Variants in MRPL9 observed in about 807,000 individuals in gnomAD.
The protein encoded by MRPL9 is large ribosomal subunit protein bL9m.
In MRPL9, 25 loss-of-function variants were observed where a neutral mutation model predicts 27.6. That is an observed-to-expected ratio of 0.91 (90% confidence interval 0.66 to 1.27). The LOEUF (loss-of-function observed/expected upper bound fraction) is 1.27, where lower values mean the gene tolerates loss of function less well. MRPL9 is among the 50% of genes most tolerant of loss of function. The probability of loss-of-function intolerance (pLI) is 0.00; values close to 1 mark genes in which losing one functional copy is unlikely to be tolerated. For missense variants in MRPL9, 362 were observed against 338.0 expected, an observed-to-expected ratio of 1.07 and a Z score of -0.56; for synonymous variants, 154 against 139.0, an observed-to-expected ratio of 1.11 and a Z score of -0.76.
At position 151,763,250 on chromosome 1, in the gene MRPL9, GC is replaced by G; in HGVS notation, c.153+76del. On this transcript the variant is annotated intron_variant, in intron 1 of 6. Transcript: ENST00000368830. ...AGGAAAGCCCGCCACCCCCACATCG[GC>G]CCCCTCCAGGTCCCAGTGCGCCTCC... is the stretch of plus-strand genomic sequence containing the variant. 7.2e-6 allele frequency: 11 copies of G among 1,533,834 alleles called. No individual in the cohort carries two copies. The South Asian group carries it at 1.4e-4, about 19-fold the overall frequency.
At chr1:151,761,877 TC>T (rs1648100271) in intron 4 of MRPL9, 3 of 600,372 alleles carry the variant, frequency 5.0e-6, no homozygotes, top group Non-Finnish European at 5.9e-6. Context: ...TTCCATGGGT[TC>T]CCTGATTCCC....
chr1:151,761,422 T>A lies in MRPL9; in HGVS notation c.588+29A>T, dbSNP rs770680836. On this transcript the variant is annotated intron_variant, in intron 5 of 6. Transcript: ENST00000368830. Reference sequence around the variant, plus strand: ...CCAGAGGCAGCTTCCACCTCAGGGGTAGAGTGGTTTTTGGGAACACTCACT... The same window carrying A: ...CCAGAGGCAGCTTCCACCTCAGGGGAAGAGTGGTTTTTGGGAACACTCACT... 2.0e-6 allele frequency: 3 copies of A among 1,508,100 alleles called. No individual in the cohort carries two copies. In the South Asian group the frequency reaches 3.4e-5, roughly 17 times the overall value. The allele number at this position is 1,508,100 out of a possible 1,614,324, so 93.4% of individuals were successfully genotyped here. A position where few individuals can be genotyped will look rare whatever the true frequency, so the allele number is the denominator to read the frequency against.
Position 151,763,364 on chromosome 1 carries a change from G to C in MRPL9, c.116C>G (p.Pro39Arg). 6.3e-7 allele frequency: 1 copy of C among 1,577,728 alleles called. No individual in the cohort carries two copies. The highest frequency in any genetic ancestry group is 8.6e-7 in the Non-Finnish European group (1 of 1,160,390). Residue 39 changes from proline (P) to arginine (R), a missense_variant, in exon 1 of 7, where the codon CCT (proline) becomes CGT (arginine). Transcript: ENST00000368830. ...AAGGCTGAAGTTGCAGGCCAGGTCA[G>C]GGGCGTTCCCTTCATGTCGCGGCCG... Reference protein sequence around the residue: ...LLRPRHEGNAPDLACNFSLSQ... With the variant: ...LLRPRHEGNARDLACNFSLSQ...
In MRPL9 at chr1:151,763,315, C is replaced by T. The variant is rs1179471250; in HGVS notation, c.153+12G>A. 9 of 1,594,518 alleles carry T rather than the reference C, an allele frequency of 5.6e-6. No homozygotes were observed. Among genetic ancestry groups the T allele is most frequent in the African/African-American group, 1.3e-5 (1 of 74,288 alleles). On this transcript the variant is annotated intron_variant, in intron 1 of 6. Coordinates refer to ENST00000368830, the MANE Select transcript of MRPL9 (RefSeq NM_031420.4). Reference sequence around the variant, plus strand: ...GAGCGTATCTACCCCCTACCCCAGACTCAGCCCTCACCCGATTTTGAGAAA... The same window carrying T: ...GAGCGTATCTACCCCCTACCCCAGATTCAGCCCTCACCCGATTTTGAGAAA...
chr1:151,763,433 G>A lies in MRPL9; in HGVS notation c.47C>T (p.Ala16Val), dbSNP rs1158533080. The A allele has an allele frequency of 9.6e-6, 15 of 1,567,732 alleles. No homozygotes were observed. Among genetic ancestry groups the A allele is most frequent in the Non-Finnish European group, 8.6e-7 (1 of 1,156,382 alleles). Residue 16 changes from alanine to valine, a missense_variant, in exon 1 of 7, where the codon GCG becomes GTG. Physicochemically the swap from Ala to Val is moderately conservative, Grantham distance 64 (BLOSUM62 0). Coordinates refer to ENST00000368830, the MANE Select transcript of MRPL9 (RefSeq NM_031420.4). ...TCCCCGAAGCAGCCGTCCAGCGCCC[G>A]CCCGCAGCAGAGCTCTGCCCGGGGC... Reference protein sequence around the residue: ...VTAPGRALLRAGAGRLLRGGV... With the variant: ...VTAPGRALLRVGAGRLLRGGV...
intron 6 of MRPL9, 26 bp downstream of exon 6, chr1:151,760,790 A>AAAAAG (rs1428273010): frequency 6.5e-7 from 1 of 1,547,244 alleles, no homozygotes; most frequent in Admixed American, 2.2e-5. Flanking sequence ...AAAGAAAAGA[A>AAAAAG]AAAAGAAAGT....
In MRPL9 at chr1:151,763,359, G is replaced by C; in HGVS notation, c.121C>G (p.Leu41Val). 1 of 1,579,724 alleles carries C rather than the reference G, an allele frequency of 6.3e-7. No homozygotes were observed. Among genetic ancestry groups the C allele is most frequent in the Admixed American group, 1.8e-5 (1 of 56,052 alleles). ...RPRHEGNAPDLACNFSLSQNR... is the reference protein window; with the variant it reads ...RPRHEGNAPDVACNFSLSQNR... ...TGAGAAAGGCTGAAGTTGCAGGCCA[G>C]GTCAGGGGCGTTCCCTTCATGTCGC... The change falls in exon 1 of 7, where the codon CTG becomes GTG. Residue 41 changes from leucine to valine, a missense_variant. Leu to Val is a conservative substitution (Grantham distance 32, BLOSUM62 1). Transcript: ENST00000368830.
Position 151,761,570 on chromosome 1 carries a change from T to C in MRPL9, c.487-18A>G. Reference sequence around the variant, plus strand: ...TTCACTGTCTGAAAGGAATTATGAGTTTGAGTCAAAGGAGAGGAAACATGT... The same window carrying C: ...TTCACTGTCTGAAAGGAATTATGAGCTTGAGTCAAAGGAGAGGAAACATGT... On this transcript the variant is annotated intron_variant, in intron 4 of 6. Transcript: ENST00000368830. 1 of 1,561,924 alleles carries C rather than the reference T, an allele frequency of 6.4e-7. No individual in the cohort carries two copies. The highest frequency in any genetic ancestry group is 8.8e-7 in the Non-Finnish European group (1 of 1,133,296).
intron 4 of MRPL9, 170 bp downstream of exon 4, chr1:151,761,935 C>G: frequency 1.5e-6 from 1 of 656,030 alleles, no homozygotes; most frequent in East Asian, 2.7e-5. Flanking sequence ...CCCAACACAT[C>G]AGGGATCTCC....
At chr1:151,763,171 A>T in intron 1 of MRPL9, 25 bp from the exon 2 acceptor site, 4 of 1,610,572 alleles carry the variant, frequency 2.5e-6, no homozygotes, top group Non-Finnish European at 3.4e-6. Flanking sequence ...AGCGACGGTA[A>T]GCTAGTCTCC....
At chr1:151,762,582 TA>T (rs1350709843) in intron 2 of MRPL9, 82 bp from the exon 3 acceptor site, 11 of 1,435,754 alleles carry the variant, frequency 7.7e-6, no homozygotes, top group Non-Finnish European at 1.0e-5. Flanking sequence ...AAGCACCTCT[TA>T]GTTTCTCACA....
At chr1:151,761,137 G>C (rs568496399) in intron 5 of MRPL9, among the ~76,000 whole-genome samples, 3 of 152,154 alleles carry the variant, frequency 2.0e-5, no homozygotes, top group Non-Finnish European at 1.5e-5. Flanking sequence ...AAGAGAAACA[G>C]GGCTTGAGGC....
rs1203914365 is a variant in MRPL9 at position 151,761,917 on chromosome 1, G to A, written c.486+188C>T. The A allele has an allele frequency of 8.0e-6, 5 of 623,576 alleles. No individual in the cohort carries two copies. In the East Asian group the frequency reaches 1.4e-4, roughly 17 times the overall value. 38.6% of individuals were successfully genotyped at this position (623,576 alleles called of 1,614,324 possible). On this transcript the variant is annotated intron_variant, in intron 4 of 6. Coordinates refer to ENST00000368830, the MANE Select transcript of MRPL9 (RefSeq NM_031420.4). Reference sequence around the variant, plus strand: ...TTGGGACCTCCCTTGGTACTTTAAGGCACTTCACCCAACACATCAGGGATC... The same window carrying A: ...TTGGGACCTCCCTTGGTACTTTAAGACACTTCACCCAACACATCAGGGATC...
Position 151,760,154 on chromosome 1 carries a change from G to C in MRPL9, c.700C>G (p.Pro234Ala). Reference sequence around the variant, plus strand: ...TTCTCAAAGTTCACGACAGACATAGGCACTCTCACAGTATCAAGCCCATTT... The same window carrying C: ...TTCTCAAAGTTCACGACAGACATAGCCACTCTCACAGTATCAAGCCCATTT... Reference protein sequence around the residue: ...TVNGLDTVRVPMSVVNFEKPK... With the variant: ...TVNGLDTVRVAMSVVNFEKPK... The change falls in exon 7 of 7, where the codon CCT (proline) becomes GCT (alanine). Residue 234 changes from proline to alanine, a missense_variant. Coordinates refer to ENST00000368830, the MANE Select transcript of MRPL9 (RefSeq NM_031420.4). The C allele has an allele frequency of 6.2e-7, 1 of 1,614,066 alleles. No individual in the cohort carries two copies. Among genetic ancestry groups the C allele is most frequent in the Non-Finnish European group, 8.5e-7 (1 of 1,179,992 alleles).
At chr1:151,760,238 C>T in intron 6 of MRPL9, 57 bp from the exon 7 acceptor site, 4 of 1,601,596 alleles carry the variant, frequency 2.5e-6, no homozygotes, top group Non-Finnish European at 2.6e-6. Context: ...AGATTTAGCA[C>T]CACCTAATCC....
Position 151,759,847 on chromosome 1 carries a change from G to C in MRPL9, c.*203C>G. 1.6e-6 allele frequency: 1 copy of C among 608,580 alleles called. No homozygotes were observed. The highest frequency in any genetic ancestry group is 2.6e-6 in the Non-Finnish European group (1 of 382,382). The allele number at this position is 608,580 out of a possible 1,614,324, so 37.7% of individuals were successfully genotyped here. ...TCAAATCTACAGCCTGGTACTTCTG[G>C]AACAGGACTTCCCTGCCCCAGTGAT... On this transcript the variant is annotated 3_prime_UTR_variant, in exon 7 of 7. Coordinates refer to ENST00000368830, the MANE Select transcript of MRPL9 (RefSeq NM_031420.4).
rs142753752 is a variant in MRPL9 at position 151,760,817 on chromosome 1, G to A, written c.671C>T (p.Thr224Met). ...AAAGAAAGTATGCAAAACACTCACC[G>A]TCACCTCACACCAATACTCGCCCCA... ...TRWGEYWCEV[T>M]VNGLDTVRVP... is the part of the protein sequence containing the mutation. The change falls in exon 6 of 7, where the codon ACG becomes ATG. Residue 224 changes from threonine (T) to methionine (M), a missense_variant and splice_region_variant. Physicochemically the swap from Thr to Met is moderately conservative, Grantham distance 81 (BLOSUM62 -1). Transcript: ENST00000368830. The A allele has an allele frequency of 1.1e-3, 1,781 of 1,567,076 alleles. 6 individuals carry two copies. The highest frequency in any genetic ancestry group is 2.8e-3 in the South Asian group (240 of 84,784).
rs955458468 is a variant in MRPL9, at chr1:151,760,163, C to G, written c.691G>C (p.Val231Leu). The change falls in exon 7 of 7, where the codon GTG becomes CTG. Residue 231 changes from valine (V) to leucine (L), a missense_variant. Transcript: ENST00000368830. ...CEVTVNGLDT[V>L]RVPMSVVNFE... ...TTCACGACAGACATAGGCACTCTCA[C>G]AGTATCAAGCCCATTTACCTGCACA... The G allele has an allele frequency of 6.8e-6, 11 of 1,614,050 alleles. No individual in the cohort carries two copies. In the Admixed American group the frequency reaches 1.3e-4, roughly 20 times the overall value.
chr1:151,762,026 C>T (rs1448108324), intron 4 of MRPL9, 79 bp downstream of exon 4: 2 of 1,445,476 alleles, frequency 1.4e-6, no homozygotes, highest in East Asian at 2.3e-5. Context: ...ATCAGGAGAC[C>T]TCAAGGGAAT....
Sources: allele counts gnomAD v4.1 joint callset (sites outside exome capture counted in the v4.1 genomes callset), GRCh38; gene constraint gnomAD v4.1.1; transcripts MANE v1.5; gene names NCBI Gene and HGNC (gene_info 2026-07-23, HGNC 2026-07-21).